Variants in TNS4 observed in about 807,000 individuals in gnomAD.
The protein encoded by TNS4 is tensin-4.
A neutral mutation model predicts 70.4 loss-of-function variants in TNS4; 46 were observed. The observed-to-expected ratio is 0.65, with a 90% CI of 0.52 to 0.84. The LOEUF is 0.84. Ranked by LOEUF, TNS4 falls within the 40% of genes least tolerant of loss-of-function variation. TNS4 has a pLI of 0.00. For synonymous variants in TNS4, 390 were observed against 366.6 expected, an observed-to-expected ratio of 1.06 and a Z score of -0.73; for missense variants, 863 against 907.0, an observed-to-expected ratio of 0.95 and a Z score of 0.62.
At chr17:40,482,641 T>C (rs1376884773) in intron 6 of TNS4, among the ~76,000 whole-genome samples, 1 of 150,868 alleles carries the variant, frequency 6.6e-6, no homozygotes, top group African/African-American at 2.4e-5. Flanking sequence ...AAGCCGGGCG[T>C]GGTTCACATG....
chr17:40,482,352 G>T lies in TNS4; in HGVS notation c.1566C>A (p.Leu522=). ...AGTAGGGCTCCTCATCTGCTCCTTT[G>T]AGATGCACTCCTTTGGCAGACGACT... ...LIESSAKGVH[L]KGADEEPYFG... Residue 522 remains leucine, a synonymous_variant, in exon 7 of 13, where the codon CTC becomes CTA. Transcript: ENST00000254051. The T allele has an allele frequency of 6.2e-7, 1 of 1,614,122 alleles. No homozygotes were observed. Among genetic ancestry groups the T allele is most frequent in the Non-Finnish European group, 8.5e-7 (1 of 1,180,032 alleles).
At chr17:40,489,979 A>C (rs1324367267) in intron 2 of TNS4, among the ~76,000 whole-genome samples, 1 of 152,102 alleles carries the variant, frequency 6.6e-6, no homozygotes, top group Non-Finnish European at 1.5e-5. Flanking sequence ...AGTCCAGTAG[A>C]CCATGAATGG....
rs751432125 is a variant in TNS4, at chr17:40,496,136, T to C, written c.290A>G (p.Tyr97Cys). The C allele has an allele frequency of 6.2e-7, 1 of 1,610,394 alleles. No individual in the cohort carries two copies. Among genetic ancestry groups the C allele is most frequent in the African/African-American group, 1.3e-5 (1 of 74,838 alleles). ...GAGGCTCTCCAGTGAGAAGTCAATG[T>C]AGGAGTCAAGGTCCTCTGGGGTCCC... The part of the protein sequence containing the change: ...ALGTPEDLDS[Y>C]IDFSLESLNQ... The change falls in exon 2 of 13, where the codon TAC becomes TGC. Residue 97 changes from tyrosine to cysteine, a missense_variant. Physicochemically the swap from Tyr to Cys is radical, Grantham distance 194 (BLOSUM62 -2). Transcript: ENST00000254051.
chr17:40,480,422 G>A (rs187974946), intron 9 of TNS4, among the ~76,000 whole-genome samples: 203 of 152,240 alleles, frequency 1.3e-3, no homozygotes, highest in African/African-American at 4.7e-3. Context: ...ACCCTAGCAC[G>A]TGTGCACATG....
chr17:40,491,144 A>C (rs1422050439), intron 2 of TNS4, among the ~76,000 whole-genome samples: 2 of 152,212 alleles, frequency 1.3e-5, no homozygotes, highest in African/African-American at 4.8e-5. Flanking sequence ...TATAGTGTTT[A>C]CACCCATAAT....
chr17:40,482,517 G>A lies in TNS4; in HGVS notation c.1502-101C>T. The A allele has an allele frequency of 2.8e-6, 3 of 1,087,992 alleles. 1 individual carries two copies. The South Asian group carries it at 4.0e-5, about 14-fold the overall frequency. 67.4% of individuals were successfully genotyped at this position (1,087,992 alleles called of 1,614,324 possible). ...CCAGCACTTTGGGAGGCCGAGGTGG[G>A]CAGATCACTTGAGGTCAGGAGTTCG... On this transcript the variant is annotated intron_variant, in intron 6 of 12. Coordinates refer to ENST00000254051, the MANE Select transcript of TNS4 (RefSeq NM_032865.6).
intron 1 of TNS4, among the ~76,000 whole-genome samples, chr17:40,497,036 C>T (rs955129841): frequency 6.6e-6 from 1 of 152,206 alleles, no homozygotes; most frequent in African/African-American, 2.4e-5. Flanking sequence ...AAGGGTCACA[C>T]TGCCAACAAG....
At chr17:40,480,055 G>A in intron 9 of TNS4, 1 of 593,018 alleles carries the variant, frequency 1.7e-6, no homozygotes, top group Non-Finnish European at 2.9e-6. Context: ...CATCGCCCTG[G>A]CCCCTGGCCC....
At chr17:40,480,406 A>G (rs1264364920) in intron 9 of TNS4, among the ~76,000 whole-genome samples, 1 of 152,116 alleles carries the variant, frequency 6.6e-6, no homozygotes, top group Admixed American at 6.5e-5. Context: ...TCTCAGACCT[A>G]GAGAGACCCT....
At position 40,483,621 on chromosome 17, in the gene TNS4, G is replaced by A. The variant is rs984441587; in HGVS notation, c.1501+863C>T. Among the ~76,000 whole-genome samples the A allele has an allele frequency of 4.6e-5, 7 of 152,314 alleles. No individual in the cohort carries two copies. The South Asian group carries it at 1.2e-3, about 27-fold the overall frequency. The stretch of plus-strand genomic sequence containing the variant: ...CCCCGGGGGTGGGGAGGTGAACAAT[G>A]ACCTTCTGACTCCTTTCCACCAGTC... On this transcript the variant is annotated intron_variant, in intron 6 of 12. Transcript: ENST00000254051.
At chr17:40,477,835 C>A in intron 12 of TNS4, 106 bp from the exon 13 acceptor site, 1 of 1,105,328 alleles carries the variant, frequency 9.0e-7, no homozygotes. Flanking sequence ...TTCCTCCCTG[C>A]CCCTCCCTTA....
Position 40,477,335 on chromosome 17 carries a change from C to A in TNS4, c.*253G>T. ...ATGGAGGAGCATGTTCAAATGCCCA[C>A]CAGCATCTAAGAACAGCTGATCTTG... is the stretch of plus-strand genomic sequence containing the variant. On this transcript the variant is annotated 3_prime_UTR_variant, in exon 13 of 13. Transcript: ENST00000254051. 1 of 469,202 alleles carries A rather than the reference C, an allele frequency of 2.1e-6. No homozygotes were observed. The highest frequency in any genetic ancestry group is 3.8e-6 in the Non-Finnish European group (1 of 262,716). The allele number at this position is 469,202 out of a possible 1,614,324, so 29.1% of individuals were successfully genotyped here.
intron 3 of TNS4, 24 bp from the exon 4 acceptor site, chr17:40,487,484 G>C (rs758559126): frequency 1.3e-6 from 2 of 1,581,060 alleles, no homozygotes; most frequent in Admixed American, 3.4e-5. Context: ...GAGTCAGACA[G>C]GGTGTTAGGG....
chr17:40,482,463 G>T (rs753787015), intron 6 of TNS4, 47 bp from the exon 7 acceptor site: 2 of 1,594,658 alleles, frequency 1.3e-6, no homozygotes, highest in Admixed American at 1.7e-5. Flanking sequence ...CCACCTTGTG[G>T]CCGGGCGCGG....
chr17:40,486,960 G>T, intron 4 of TNS4, 76 bp downstream of exon 4: 1 of 1,546,640 alleles, frequency 6.5e-7, no homozygotes, highest in Non-Finnish European at 8.8e-7. Flanking sequence ...GTGTTGACTG[G>T]CTGTTGCAGA....
Position 40,485,013 on chromosome 17 carries a change from G to A in TNS4, c.1289-6C>T. ...CTGCATGTCCCTGGCGGGACCTGGAGACAGACAGAGAAGGGGGACCCTGTA... is the reference window on the plus strand; with the variant it reads ...CTGCATGTCCCTGGCGGGACCTGGAAACAGACAGAGAAGGGGGACCCTGTA... On this transcript the variant is annotated splice_region_variant and splice_polypyrimidine_tract_variant and intron_variant, in intron 4 of 12. Transcript: ENST00000254051. The A allele has an allele frequency of 1.2e-6, 2 of 1,613,940 alleles. No homozygotes were observed. The highest frequency in any genetic ancestry group is 1.7e-6 in the Non-Finnish European group (2 of 1,179,866).
intron 4 of TNS4, 82 bp from the exon 5 acceptor site, chr17:40,485,089 C>T: frequency 1.7e-6 from 2 of 1,199,626 alleles, no homozygotes; most frequent in South Asian, 1.3e-5. Flanking sequence ...GCTGGAGACC[C>T]TTCCCTACTC....
At chr17:40,483,863 A>G (rs2035958247) in intron 6 of TNS4, among the ~76,000 whole-genome samples, 1 of 152,174 alleles carries the variant, frequency 6.6e-6, no homozygotes, top group African/African-American at 2.4e-5. Context: ...AGAAGGTGCA[A>G]TCCTGGGGTT....
Position 40,477,466 on chromosome 17 carries a change from TC to T in TNS4, c.*121del. 7.4e-7 allele frequency: 1 copy of T among 1,352,790 alleles called. No homozygotes were observed. The highest frequency in any genetic ancestry group is 1.0e-6 in the Non-Finnish European group (1 of 996,348). The allele number at this position is 1,352,790 out of a possible 1,614,324, so 83.8% of individuals were successfully genotyped here. ...TTCAAGGGTGTCAACTTGATGCCAA[TC>T]CCCCTAGTCCCATAGATTGGTCTGT... On this transcript the variant is annotated 3_prime_UTR_variant, in exon 13 of 13. Transcript: ENST00000254051.
Sources: gnomAD v4.1 joint callset for allele counts (sites outside exome capture counted in the v4.1 genomes callset) on GRCh38, gnomAD v4.1.1 for gene constraint, MANE v1.5 for transcripts, NCBI Gene and HGNC (gene_info 2026-07-23, HGNC 2026-07-21) for gene names.